NEO1: variants seen among roughly 807,000 people sequenced by gnomAD.
NEO1 encodes the protein neogenin 1, also known as neogenin.
In NEO1, 63 loss-of-function variants were observed where a neutral mutation model predicts 159.7. The ratio of observed to expected loss-of-function variants is 0.39; its 90% confidence interval spans 0.32 to 0.49. The LOEUF (loss-of-function observed/expected upper bound fraction) is 0.49. Among genes scored for constraint, NEO1 ranks in the 20% least tolerant of loss-of-function variants. NEO1 has a pLI of 0.85. For synonymous variants in NEO1, 633 were observed against 662.0 expected (o/e 0.96, Z 0.67); for missense variants, 1,615 against 1,831.0 (o/e 0.88, Z 2.15).
In NEO1 at chr15:73,130,746, C is replaced by T. The variant is rs2031004833; in HGVS notation, c.878+4176C>T. ...TGGAGAGCCTCCACTTTCACCCCAT[C>T]CAGCCATAAGAGGCAACCCTTCCCT... On this transcript the variant is annotated intron_variant, in intron 4 of 28. Coordinates refer to ENST00000261908, the MANE Select transcript of NEO1 (RefSeq NM_002499.4). 3.9e-5 allele frequency among the ~76,000 whole-genome samples: 6 copies of T among 152,350 alleles called. No individual in the cohort carries two copies. The South Asian group carries it at 1.2e-3, about 32-fold the overall frequency.
At chr15:73,136,943 C>T (rs1299383609) in intron 5 of NEO1, among the ~76,000 whole-genome samples, 4 of 152,072 alleles carry the variant, frequency 2.6e-5, no homozygotes, top group African/African-American at 9.7e-5. Context: ...TGTTTCACTC[C>T]TAAGAATGAA....
At chr15:73,080,156 A>G (rs1243382824) in intron 1 of NEO1, among the ~76,000 whole-genome samples, 1 of 152,086 alleles carries the variant, frequency 6.6e-6, no homozygotes, top group Non-Finnish European at 1.5e-5. Context: ...CCTTTCCCCC[A>G]TTGATTCCAC....
chr15:73,056,078 A>G (rs192855285), intron 1 of NEO1, among the ~76,000 whole-genome samples: 1 of 152,158 alleles, frequency 6.6e-6, no homozygotes, highest in Non-Finnish European at 1.5e-5. Context: ...AAAATCTGTT[A>G]CTAGTGTTCT....
chr15:73,186,866 C>T (rs2035961346), intron 7 of NEO1, among the ~76,000 whole-genome samples: 2 of 152,158 alleles, frequency 1.3e-5, no homozygotes, highest in South Asian at 2.1e-4. Flanking sequence ...CTACTTAACT[C>T]TACCATTCTA....
intron 13 of NEO1, among the ~76,000 whole-genome samples, chr15:73,257,132 C>CAAAAAAA (rs10623334): frequency 0.24 from 12,869 of 53,878 alleles, 3,728 homozygotes; most frequent in East Asian, 0.71. Context: ...ACTCTGTCTC[C>CAAAAAAA]AAAAAAAAAA....
intron 7 of NEO1, among the ~76,000 whole-genome samples, chr15:73,179,986 A>G (rs1455026191): frequency 2.0e-5 from 3 of 152,100 alleles, no homozygotes; most frequent in East Asian, 3.8e-4. Flanking sequence ...TTATTTTCTT[A>G]TACTAAATTA....
intron 5 of NEO1, among the ~76,000 whole-genome samples, chr15:73,168,982 A>G (rs1026086497): frequency 6.6e-6 from 1 of 152,150 alleles, no homozygotes; most frequent in Non-Finnish European, 1.5e-5. Flanking sequence ...TTCTCTGCTT[A>G]CAGAGCTTAA....
chr15:73,200,155 A>G (rs890430178), intron 7 of NEO1, among the ~76,000 whole-genome samples: 1 of 152,220 alleles, frequency 6.6e-6, no homozygotes, highest in African/African-American at 2.4e-5. Context: ...CAGTGAAACT[A>G]TCTAGGCCTA....
intron 1 of NEO1, among the ~76,000 whole-genome samples, chr15:73,106,774 G>T (rs535143259): frequency 6.6e-6 from 1 of 152,172 alleles, no homozygotes. Context: ...TACTACTAGG[G>T]ATGGGGAATT....
intron 7 of NEO1, among the ~76,000 whole-genome samples, chr15:73,180,564 T>G (rs1204667307): frequency 6.6e-6 from 1 of 152,178 alleles, no homozygotes; most frequent in East Asian, 1.9e-4. Flanking sequence ...TTGGGGTATA[T>G]TTATTTACAT....
At chr15:73,278,318 T>C in intron 22 of NEO1, 119 bp downstream of exon 22, 1 of 777,608 alleles carries the variant, frequency 1.3e-6, no homozygotes. Context: ...GCCTGTTTTC[T>C]TTTATTGCTA....
chr15:73,238,297 T>G (rs1596445746), intron 8 of NEO1, among the ~76,000 whole-genome samples: 1 of 93,452 alleles, frequency 1.1e-5, no homozygotes, highest in South Asian at 3.5e-4. Flanking sequence ...TTTTTTTTTT[T>G]TTTGAGAGCA....
chr15:73,304,685 A>T lies in NEO1; in HGVS notation c.*1989A>T, dbSNP rs1426085798. The T allele has an allele frequency of 2.0e-5, 3 of 152,058 alleles. No homozygotes were observed. Among genetic ancestry groups the T allele is most frequent in the Non-Finnish European group, 2.9e-5 (2 of 68,038 alleles). The allele number at this position is 152,058 out of a possible 1,614,324, so 9.4% of individuals were successfully genotyped here. On this transcript the variant is annotated 3_prime_UTR_variant, in exon 29 of 29. Transcript: ENST00000261908. ...GCACTCTGGCCACCAGGAGGGCCAGATTCCCCAGAAACTACCTTTTGCCCA... is the reference window on the plus strand; with the variant it reads ...GCACTCTGGCCACCAGGAGGGCCAGTTTCCCCAGAAACTACCTTTTGCCCA...
At chr15:73,126,649 T>A (rs2030292407) in intron 4 of NEO1, 79 bp downstream of exon 4, 1 of 1,334,748 alleles carries the variant, frequency 7.5e-7, no homozygotes, top group Admixed American at 2.5e-5. Flanking sequence ...TATTGACTAA[T>A]TTAAAAAGAT....
rs2039652447 is a variant in NEO1 at position 73,244,490 on chromosome 15, A to G, written c.1598A>G (p.Gln533Arg). 1 of 1,613,356 alleles carries G rather than the reference A, an allele frequency of 6.2e-7. No individual in the cohort carries two copies. The highest frequency in any genetic ancestry group is 2.2e-5 in the East Asian group (1 of 44,870). The change falls in exon 9 of 29, where the codon CAA becomes CGA. Residue 533 changes from glutamine (Q) to arginine (R), a missense_variant. Transcript: ENST00000261908. ...ESSAPLRVET[Q>R]PEVQLPGPAP... is the part of the protein sequence containing the mutation. ...TCAGCTCCACTGCGAGTAGAAACAC[A>G]ACCTGAGGGTAAGTCTTCCACCTGT... is the stretch of plus-strand genomic sequence containing the variant.
Position 73,303,678 on chromosome 15 carries a change from C to T in NEO1, c.*982C>T, listed in dbSNP as rs184450132. 1.3e-5 allele frequency: 2 copies of T among 152,188 alleles called. No individual in the cohort carries two copies. The highest frequency in any genetic ancestry group is 2.1e-4 in the South Asian group (1 of 4,832). The allele number at this position is 152,188 out of a possible 1,614,324, so 9.4% of individuals were successfully genotyped here. On this transcript the variant is annotated 3_prime_UTR_variant, in exon 29 of 29. Transcript: ENST00000261908. ...TTGATTTGGATCTGGTTTTAAAATT[C>T]TTCTGTGCAATAGATGGGTTTGAGG... is the stretch of plus-strand genomic sequence containing the variant.
chr15:73,179,383 A>G (rs2035470419), intron 7 of NEO1, among the ~76,000 whole-genome samples: 1 of 152,102 alleles, frequency 6.6e-6, no homozygotes, highest in Non-Finnish European at 1.5e-5. Flanking sequence ...AGAGAAGTTG[A>G]TGTGGTGTTT....
Position 73,116,755 on chromosome 15 carries a change from C to T in NEO1, c.346C>T (p.His116Tyr), listed in dbSNP as rs1391595248. The part of the protein sequence containing the change: ...DGSLFISNVV[H>Y]SKHNKPDEGY... ...ATCTTTATTTATCAGCAATGTGGTGCATTCCAAACACAATAAACCTGATGA... is the reference window on the plus strand; with the variant it reads ...ATCTTTATTTATCAGCAATGTGGTGTATTCCAAACACAATAAACCTGATGA... Residue 116 changes from histidine to tyrosine, a missense_variant, in exon 2 of 29, where the codon CAT (histidine) becomes TAT (tyrosine). His to Tyr is a moderately conservative substitution (Grantham distance 83, BLOSUM62 2). Coordinates refer to ENST00000261908, the MANE Select transcript of NEO1 (RefSeq NM_002499.4). The T allele has an allele frequency of 1.2e-6, 2 of 1,613,944 alleles. No individual in the cohort carries two copies. Among genetic ancestry groups the T allele is most frequent in the Non-Finnish European group, 1.7e-6 (2 of 1,179,882 alleles).
At chr15:73,145,131 A>G (rs1006237234) in intron 5 of NEO1, among the ~76,000 whole-genome samples, 1 of 152,256 alleles carries the variant, frequency 6.6e-6, no homozygotes, top group Non-Finnish European at 1.5e-5. Context: ...CAAGATTAAT[A>G]TCTGTTAAAA....
Sources: gnomAD v4.1 joint callset for allele counts (sites outside exome capture counted in the v4.1 genomes callset) on GRCh38, gnomAD v4.1.1 for gene constraint, MANE v1.5 for transcripts, NCBI Gene and HGNC (gene_info 2026-07-23, HGNC 2026-07-21) for gene names.